Variants in CPD observed in about 807,000 individuals in gnomAD.
CPD encodes carboxypeptidase D, also known as metallocarboxypeptidase D.
CPD carries 69 observed loss-of-function variants against 138.3 expected under a neutral mutation model. That is an observed-to-expected ratio of 0.50 (90% CI 0.41 to 0.61). The LOEUF is 0.61. Ranked by LOEUF, CPD falls within the 20% of genes least tolerant of loss-of-function variation. The pLI is 0.00. For missense variants in CPD, 1,432 were observed against 1,733.3 expected (o/e 0.83, Z 3.09); for synonymous variants, 651 against 642.1 (o/e 1.01, Z -0.21).
intron 2 of CPD, among the ~76,000 whole-genome samples, chr17:30,417,572 C>G (rs532557287): frequency 6.6e-6 from 1 of 152,230 alleles, no homozygotes; most frequent in African/African-American, 2.4e-5. Flanking sequence ...GGCCAGAGGT[C>G]CTCTTTGATT....
intron 2 of CPD, among the ~76,000 whole-genome samples, chr17:30,402,771 TTATGC>T (rs1338588979): frequency 6.6e-6 from 1 of 152,190 alleles, no homozygotes; most frequent in African/African-American, 2.4e-5. Context: ...ATTTTGAATC[TTATGC>T]TATGAGATCT....
chr17:30,379,667 C>T lies in CPD; in HGVS notation c.687C>T (p.Pro229=). ...CCGACCAGTTTAGCACCGGCGAACC[C>T]CCCGCCCTGGACGAGGTGCCCGAGG... ...SFPDQFSTGE[P]PALDEVPEVR... is the part of the protein sequence containing the mutation. The change falls in exon 1 of 21, where the codon CCC becomes CCT. Residue 229 remains proline, a synonymous_variant. Transcript: ENST00000225719. This position sits in a 1 kb window ranked among gnomAD's most constrained non-coding sequence, Gnocchi z 7.0. The T allele has an allele frequency of 6.6e-7, 1 of 1,524,644 alleles. No individual in the cohort carries two copies. Among genetic ancestry groups the T allele is most frequent in the East Asian group, 2.6e-5 (1 of 38,812 alleles). 94.4% of individuals were successfully genotyped at this position (1,524,644 alleles called of 1,614,324 possible). A position where few individuals can be genotyped will look rare whatever the true frequency, so the allele number is the denominator to read the frequency against.
Position 30,431,769 on chromosome 17 carries a change from T to C in CPD, c.2018-3T>C, listed in dbSNP as rs377538946. ...TGATACATTTTCCTCTTTTCCCTTA[T>C]AGGTTCTTTGGTGGTTAACTACCCT... On this transcript the variant is annotated splice_polypyrimidine_tract_variant and splice_region_variant and intron_variant, in intron 7 of 20. Transcript: ENST00000225719. The C allele has an allele frequency of 6.3e-5, 101 of 1,595,084 alleles. No homozygotes were observed. The highest frequency in any genetic ancestry group is 8.1e-5 in the Non-Finnish European group (94 of 1,164,314).
chr17:30,407,701 A>G (rs1385267739), intron 2 of CPD, among the ~76,000 whole-genome samples: 1 of 152,006 alleles, frequency 6.6e-6, no homozygotes, highest in Non-Finnish European at 1.5e-5. Flanking sequence ...AGTTCTTTAT[A>G]GATTCTGGAT....
chr17:30,412,325 A>T (rs1264169476), intron 2 of CPD, among the ~76,000 whole-genome samples: 1 of 152,184 alleles, frequency 6.6e-6, no homozygotes, highest in African/African-American at 2.4e-5. Flanking sequence ...GTCAGTCTAC[A>T]TGGGATCAGG....
intron 2 of CPD, among the ~76,000 whole-genome samples, chr17:30,398,470 T>C (rs1237148432): frequency 6.6e-6 from 1 of 152,200 alleles, no homozygotes; most frequent in Non-Finnish European, 1.5e-5. Flanking sequence ...AAATGACATA[T>C]CAACTTAAAA....
chr17:30,468,099 C>T lies in CPD; in HGVS notation c.*3285C>T, dbSNP rs1217691423. On this transcript the variant is annotated 3_prime_UTR_variant, in exon 21 of 21. Transcript: ENST00000225719. The stretch of plus-strand genomic sequence containing the variant: ...GTCAGCTGAACTTGGATTTCTAGTT[C>T]ATGAAGAAATCTCTCCCAATACCCA... The T allele has an allele frequency of 6.6e-6, 1 of 152,216 alleles. No individual in the cohort carries two copies. The highest frequency in any genetic ancestry group is 1.9e-4 in the East Asian group (1 of 5,196). 9.4% of individuals were successfully genotyped at this position (152,216 alleles called of 1,614,324 possible).
At chr17:30,392,882 A>G (rs1016361429) in intron 2 of CPD, among the ~76,000 whole-genome samples, 1 of 152,190 alleles carries the variant, frequency 6.6e-6, no homozygotes, top group African/African-American at 2.4e-5. Context: ...GAGTTAGGAA[A>G]TTGGTCAGAA....
At chr17:30,389,673 T>G (rs1911295879) in intron 2 of CPD, among the ~76,000 whole-genome samples, 1 of 152,350 alleles carries the variant, frequency 6.6e-6, no homozygotes, top group Non-Finnish European at 1.5e-5. Context: ...AAAACGTAGG[T>G]GTACTTTGGT....
chr17:30,418,517 A>T (rs574543646), intron 2 of CPD, among the ~76,000 whole-genome samples: 1 of 152,328 alleles, frequency 6.6e-6, no homozygotes, highest in South Asian at 2.1e-4. Flanking sequence ...TTAGGATTAC[A>T]GGCATGAGCC....
chr17:30,438,148 A>G (rs1235669276), intron 8 of CPD, among the ~76,000 whole-genome samples: 1 of 151,562 alleles, frequency 6.6e-6, no homozygotes, highest in Non-Finnish European at 1.5e-5. Context: ...CCCTGTTTAT[A>G]TATTTTAAAT....
chr17:30,455,476 T>C lies in CPD; in HGVS notation c.3337+6T>C. ...TGACAAGCCAGTACAGACAGGTATGTAGAATGTCATTTTATATATATACTG... is the reference window on the plus strand; with the variant it reads ...TGACAAGCCAGTACAGACAGGTATGCAGAATGTCATTTTATATATATACTG... On this transcript the variant is annotated splice_donor_region_variant and intron_variant, in intron 15 of 20. Coordinates refer to ENST00000225719, the MANE Select transcript of CPD (RefSeq NM_001304.5). The C allele has an allele frequency of 6.2e-7, 1 of 1,607,744 alleles. No individual in the cohort carries two copies. The highest frequency in any genetic ancestry group is 8.5e-7 in the Non-Finnish European group (1 of 1,178,450).
At chr17:30,409,899 C>A (rs1178868083) in intron 2 of CPD, among the ~76,000 whole-genome samples, 2 of 152,138 alleles carry the variant, frequency 1.3e-5, no homozygotes, top group Non-Finnish European at 2.9e-5. Flanking sequence ...CTTCTGCTAG[C>A]TTTTGAATGT....
At chr17:30,426,621 TAC>T (rs1912416363) in intron 6 of CPD, among the ~76,000 whole-genome samples, 1 of 152,252 alleles carries the variant, frequency 6.6e-6, no homozygotes, top group African/African-American at 2.4e-5. Context: ...TGATGTTATC[TAC>T]AGGAGTAGTT....
intron 17 of CPD, among the ~76,000 whole-genome samples, chr17:30,459,465 A>G (rs1236033532): frequency 1.3e-5 from 2 of 151,140 alleles, no homozygotes; most frequent in Admixed American, 1.3e-4. Flanking sequence ...GAGTGAGAAC[A>G]TGCGGTGTTT....
Position 30,468,405 on chromosome 17 carries a change from C to T in CPD, c.*3591C>T, listed in dbSNP as rs1385137778. Reference sequence around the variant, plus strand: ...CAGATTAAAAATCAGCTTTTCACCTCTCCAGTTTTTCCAAGTGATACTCCC... The same window carrying T: ...CAGATTAAAAATCAGCTTTTCACCTTTCCAGTTTTTCCAAGTGATACTCCC... On this transcript the variant is annotated 3_prime_UTR_variant, in exon 21 of 21. Coordinates refer to ENST00000225719, the MANE Select transcript of CPD (RefSeq NM_001304.5). 6.6e-6 allele frequency: 1 copy of T among 152,326 alleles called. No individual in the cohort carries two copies. Among genetic ancestry groups the T allele is most frequent in the Non-Finnish European group, 1.5e-5 (1 of 67,992 alleles). 9.4% of individuals were successfully genotyped at this position (152,326 alleles called of 1,614,324 possible). A position where few individuals can be genotyped will look rare whatever the true frequency, so the allele number is the denominator to read the frequency against.
At chr17:30,462,527 T>G (rs1483669253) in intron 20 of CPD, 58 bp downstream of exon 20, 1 of 1,188,370 alleles carries the variant, frequency 8.4e-7, no homozygotes, top group African/African-American at 1.5e-5. Context: ...CATTTCAATA[T>G]GAGAGTGGGT....
chr17:30,434,504 C>T (rs1478770836), intron 8 of CPD, among the ~76,000 whole-genome samples: 2 of 152,004 alleles, frequency 1.3e-5, no homozygotes, highest in Non-Finnish European at 2.9e-5. Context: ...AGTAACTGGG[C>T]AGATTAGAGC....
At position 30,379,372 on chromosome 17, in the gene CPD, A is replaced by T; in HGVS notation, c.392A>T (p.Gln131Leu). The stretch of plus-strand genomic sequence containing the variant: ...GGGCCGCTGCTGCCCGGCCGGCCCC[A>T]GGTGAAGCTGGTGGGCAACATGCAT... ...AAGPLLPGRP[Q>L]VKLVGNMHGD... Residue 131 changes from glutamine to leucine, a missense_variant, in exon 1 of 21, where the codon CAG becomes CTG. Physicochemically the swap from Gln to Leu is moderately radical, Grantham distance 113 (BLOSUM62 -2). Coordinates refer to ENST00000225719, the MANE Select transcript of CPD (RefSeq NM_001304.5). The surrounding 1 kb of genome is among the most constrained non-coding windows in gnomAD (Gnocchi z 7.0). The T allele has an allele frequency of 6.6e-7, 1 of 1,513,294 alleles. No individual in the cohort carries two copies. Among genetic ancestry groups the T allele is most frequent in the Non-Finnish European group, 8.8e-7 (1 of 1,138,680 alleles). The allele number at this position is 1,513,294 out of a possible 1,614,324, so 93.7% of individuals were successfully genotyped here. A position where few individuals can be genotyped will look rare whatever the true frequency, so the allele number is the denominator to read the frequency against.
Sources: allele counts gnomAD v4.1 joint callset (sites outside exome capture counted in the v4.1 genomes callset), GRCh38; gene constraint gnomAD v4.1.1; non-coding constraint Gnocchi (gnomAD v3.1); transcripts MANE v1.5; gene names NCBI Gene and HGNC (gene_info 2026-07-23, HGNC 2026-07-21).